The following OSBP2 variants were observed in gnomAD, a reference collection of about 807,000 sequenced individuals.
OSBP2 encodes the protein oxysterol binding protein 2.
Under a neutral mutation model 96.0 loss-of-function variants are expected in OSBP2, and 66 were observed. The ratio of observed to expected loss-of-function variants is 0.69; its 90% CI spans 0.56 to 0.84. The LOEUF is 0.84. Ranked by LOEUF, OSBP2 falls within the 40% of genes least tolerant of loss-of-function variation. The pLI, the probability that OSBP2 is intolerant of heterozygous loss-of-function variation, is 0.00. For synonymous variants in OSBP2, 525 were observed against 520.9 expected (o/e 1.01, Z -0.11); for missense variants, 1,038 against 1,222.7 (o/e 0.85, Z 2.25).
intron 2 of OSBP2, among the ~76,000 whole-genome samples, chr22:30,862,291 G>A (rs2039227932): frequency 6.6e-6 from 1 of 152,218 alleles, no homozygotes; most frequent in Admixed American, 6.5e-5. Context: ...GCTGGGCAGG[G>A]GGCCCACCTG....
intron 1 of OSBP2, among the ~76,000 whole-genome samples, chr22:30,728,496 T>C (rs2145717520): frequency 6.6e-6 from 1 of 152,198 alleles, no homozygotes. Flanking sequence ...TTTTTGTTTG[T>C]TCATTTTTTG....
intron 2 of OSBP2, among the ~76,000 whole-genome samples, chr22:30,796,501 A>T (rs1159517813): frequency 8.6e-5 from 13 of 151,464 alleles, no homozygotes; most frequent in Non-Finnish European, 8.8e-5. Context: ...ATTTTTTTTA[A>T]TTATTTATTT....
At chr22:30,777,671 G>C (rs1335942300) in intron 2 of OSBP2, among the ~76,000 whole-genome samples, 3 of 152,214 alleles carry the variant, frequency 2.0e-5, no homozygotes, top group Non-Finnish European at 2.9e-5. Context: ...TTGATAACCA[G>C]ATGCTGGAGA....
In OSBP2 at chr22:30,881,644, A is replaced by G. The variant is rs1360088180; in HGVS notation, c.1108-5782A>G. The G allele has an allele frequency of 1.1e-5, 14 of 1,301,072 alleles. No homozygotes were observed. The highest frequency in any genetic ancestry group is 1.4e-5 in the Non-Finnish European group (14 of 986,590). The allele number at this position is 1,301,072 out of a possible 1,614,324, so 80.6% of individuals were successfully genotyped here. A position where few individuals can be genotyped will look rare whatever the true frequency, so the allele number is the denominator to read the frequency against. On this transcript the variant is annotated intron_variant, in intron 3 of 13. Transcript: ENST00000332585. This position sits in a 1 kb window ranked among gnomAD's most constrained non-coding sequence, Gnocchi z 4.5. ...GTCCCTCTGCCGGGCCCCAAGCCTA[A>G]TCCAGCTTATCAAGCACACAGCACA...
At chr22:30,808,958 A>T (rs1423908611) in intron 2 of OSBP2, among the ~76,000 whole-genome samples, 1 of 152,192 alleles carries the variant, frequency 6.6e-6, no homozygotes, top group Non-Finnish European at 1.5e-5. Flanking sequence ...CGTCTCAAAA[A>T]AAAAAATGTG....
upstream of OSBP2, chr22:30,694,783 G>T: frequency 1.7e-6 from 1 of 593,194 alleles, no homozygotes; most frequent in Non-Finnish European, 2.1e-6. Context: ...GGAGCGCACG[G>T]GACCGCGGAG....
At chr22:30,826,026 C>T (rs1232443730) in intron 2 of OSBP2, among the ~76,000 whole-genome samples, 4 of 152,098 alleles carry the variant, frequency 2.6e-5, no homozygotes, top group East Asian at 1.9e-4. Flanking sequence ...TTGGTGGCAA[C>T]GGTGCATCGG....
In OSBP2 at chr22:30,905,989, G is replaced by T; in HGVS notation, c.2528G>T (p.Arg843Leu). 3 of 1,600,474 alleles carry T rather than the reference G, an allele frequency of 1.9e-6. No individual in the cohort carries two copies. Among genetic ancestry groups the T allele is most frequent in the South Asian group, 1.1e-5 (1 of 89,782 alleles). The change falls in exon 13 of 14, where the codon CGG becomes CTG. Residue 843 changes from arginine (R) to leucine (L), a missense_variant. Transcript: ENST00000332585. ...RWDEANTEKQ[R>L]LEEKQRLSRR... Reference sequence around the variant, plus strand: ...GACGAGGCCAATACCGAGAAGCAGCGGCTGGAGGAGAAGCAGCGCCTGTCG... The same window carrying T: ...GACGAGGCCAATACCGAGAAGCAGCTGCTGGAGGAGAAGCAGCGCCTGTCG...
At chr22:30,803,060 A>G in intron 2 of OSBP2, 1 of 199,230 alleles carries the variant, frequency 5.0e-6, no homozygotes, top group South Asian at 7.8e-5. Context: ...CTGCACCCAG[A>G]TGGACTGAGA....
At chr22:30,803,866 C>T (rs1212032504) in intron 2 of OSBP2, among the ~76,000 whole-genome samples, 1 of 152,048 alleles carries the variant, frequency 6.6e-6, no homozygotes, top group Non-Finnish European at 1.5e-5. Context: ...TTTTAAACTC[C>T]AGTGGTGCCT....
chr22:30,842,855 C>T (rs13055067), intron 2 of OSBP2: 16,776 of 152,662 alleles, frequency 0.11, 1,069 homozygotes, highest in East Asian at 0.23. Flanking sequence ...TCTCGGCTCA[C>T]TGCAACCTCC....
chr22:30,876,788 G>A (rs536954795), intron 3 of OSBP2, among the ~76,000 whole-genome samples: 18 of 152,268 alleles, frequency 1.2e-4, no homozygotes, highest in African/African-American at 3.9e-4. Flanking sequence ...GCAGGCTTAC[G>A]CATAGGGAGA....
At chr22:30,821,364 C>T (rs5749170) in intron 2 of OSBP2, among the ~76,000 whole-genome samples, 3 of 152,258 alleles carry the variant, frequency 2.0e-5, no homozygotes, top group South Asian at 2.1e-4. Context: ...AAGACGAGGG[C>T]GTAGCAGGCC....
intron 2 of OSBP2, among the ~76,000 whole-genome samples, chr22:30,799,668 T>C (rs2090823117): frequency 6.6e-6 from 1 of 152,236 alleles, no homozygotes; most frequent in African/African-American, 2.4e-5. Context: ...TCAGTTACTA[T>C]TTCGATAGAA....
intron 2 of OSBP2, among the ~76,000 whole-genome samples, chr22:30,783,000 A>G (rs939915524): frequency 1.4e-5 from 2 of 146,256 alleles, no homozygotes; most frequent in Non-Finnish European, 3.0e-5. Context: ...AAATGATTGT[A>G]TGTTTTCTCA....
chr22:30,892,990 A>C (rs1602428918), intron 8 of OSBP2, 132 bp from the exon 9 acceptor site: 1 of 1,174,498 alleles, frequency 8.5e-7, no homozygotes, highest in Non-Finnish European at 1.2e-6. Context: ...CACCTGAGGA[A>C]CAGCCAGGAC....
At chr22:30,815,635 A>G (rs749074743) in intron 2 of OSBP2, among the ~76,000 whole-genome samples, 41 of 151,950 alleles carry the variant, frequency 2.7e-4, no homozygotes, top group Non-Finnish European at 4.7e-4. Flanking sequence ...CAGGACATAC[A>G]CTTGTATTTC....
chr22:30,768,129 AT>A (rs2090300354), intron 2 of OSBP2, among the ~76,000 whole-genome samples: 1 of 152,124 alleles, frequency 6.6e-6, no homozygotes, highest in Non-Finnish European at 1.5e-5. Context: ...GTGAGTTTGA[AT>A]GCATGTGCAG....
intron 3 of OSBP2, among the ~76,000 whole-genome samples, chr22:30,886,405 T>C (rs2039811156): frequency 6.6e-6 from 1 of 152,138 alleles, no homozygotes; most frequent in Non-Finnish European, 1.5e-5. Context: ...TTTTTAAGTC[T>C]TATAGTGGCT....
Sources: allele counts gnomAD v4.1 joint callset (sites outside exome capture counted in the v4.1 genomes callset), GRCh38; gene constraint gnomAD v4.1.1; non-coding constraint Gnocchi (gnomAD v3.1); transcripts MANE v1.5; gene names NCBI Gene and HGNC (gene_info 2026-07-23, HGNC 2026-07-21).